Variants in NFATC1 observed in about 807,000 individuals in gnomAD.
NFATC1 encodes the protein nuclear factor of activated T-cells, cytoplasmic 1.
A neutral mutation model predicts 76.0 loss-of-function variants in NFATC1; 22 were observed. That is an observed-to-expected ratio of 0.29 (90% CI 0.21 to 0.41). NFATC1 has a LOEUF of 0.41. Among genes scored for constraint, NFATC1 ranks in the 10% least tolerant of loss-of-function variants. NFATC1 has a pLI of 1.00. For missense variants in NFATC1, 1,357 were observed against 1,337.7 expected, an observed-to-expected ratio of 1.01 and a Z score of -0.23; for synonymous variants, 704 against 613.1, an observed-to-expected ratio of 1.15 and a Z score of -2.19.
chr18:79,494,325 A>G (rs111783089), intron 9 of NFATC1, among the ~76,000 whole-genome samples: 1,155 of 25,696 alleles, frequency 0.045, 3 homozygotes, highest in Non-Finnish European at 0.071. Flanking sequence ...TGAACCTGGT[A>G]CGGCCGGGGG....
chr18:79,458,307 G>A (rs897340094), intron 6 of NFATC1, among the ~76,000 whole-genome samples: 3 of 144,466 alleles, frequency 2.1e-5, no homozygotes, highest in Non-Finnish European at 4.4e-5. Context: ...AGGACGCCGC[G>A]GGGAGCAGGG....
intron 3 of NFATC1, among the ~76,000 whole-genome samples, chr18:79,444,266 G>A (rs1470881278): frequency 6.6e-6 from 1 of 152,176 alleles, no homozygotes; most frequent in Admixed American, 6.5e-5. Context: ...GTGCGTGTGT[G>A]TGTGCCCACG....
At position 79,411,051 on chromosome 18, in the gene NFATC1, C is replaced by A; in HGVS notation, c.776C>A (p.Pro259His). The change falls in exon 2 of 10, where the codon CCC (proline) becomes CAC (histidine). Residue 259 changes from proline (P) to histidine (H), a missense_variant. Physicochemically the swap from Pro to His is moderately conservative, Grantham distance 77 (BLOSUM62 -2). Around this residue, in one of 3 missense-constraint regions of NFATC1, gnomAD observed 691 missense variants for 613.1 expected, o/e 1.13. Transcript: ENST00000427363. The part of the protein sequence containing the change: ...ESWLGARSSR[P>H]ASPCNKRKYS... ...TGGCTGGGTGCCCGCTCCTCCAGAC[C>A]CGCGTCCCCTTGCAACAAGAGGAAG... The A allele has an allele frequency of 2.5e-6, 4 of 1,612,008 alleles. No individual in the cohort carries two copies. In the South Asian group the frequency reaches 4.4e-5, roughly 18 times the overall value.
At chr18:79,423,794 C>T (rs1260557526) in intron 2 of NFATC1, among the ~76,000 whole-genome samples, 2 of 152,212 alleles carry the variant, frequency 1.3e-5, no homozygotes, top group African/African-American at 4.8e-5. Flanking sequence ...GTGCCCTCCT[C>T]TGGGCCGCCT....
At chr18:79,453,661 G>T (rs1325487848) in intron 6 of NFATC1, among the ~76,000 whole-genome samples, 1 of 152,222 alleles carries the variant, frequency 6.6e-6, no homozygotes. Context: ...CTGACCCTCT[G>T]CCAGCACCAG....
At chr18:79,427,750 G>C (rs1600682356) in intron 2 of NFATC1, among the ~76,000 whole-genome samples, 2 of 106,016 alleles carry the variant, frequency 1.9e-5, no homozygotes, top group African/African-American at 3.7e-5. Flanking sequence ...TGCAGTGGGT[G>C]GGGGGGTGCT....
intron 2 of NFATC1, chr18:79,421,285 C>T (rs2086082800): frequency 6.6e-6 from 1 of 152,350 alleles, no homozygotes; most frequent in African/African-American, 2.4e-5. Flanking sequence ...TCCCAGAACT[C>T]GAGGGTTCCC....
At chr18:79,490,716 T>C (rs1484206876) in intron 9 of NFATC1, among the ~76,000 whole-genome samples, 2 of 151,954 alleles carry the variant, frequency 1.3e-5, no homozygotes, top group African/African-American at 4.8e-5. Context: ...CGTAGATGGG[T>C]CGCTGCCTGT....
intron 3 of NFATC1, among the ~76,000 whole-genome samples, chr18:79,443,829 G>A (rs1204485276): frequency 6.6e-6 from 1 of 152,234 alleles, no homozygotes; most frequent in Non-Finnish European, 1.5e-5. Context: ...GCCCCGAGGT[G>A]CTGGTCCGCC....
chr18:79,516,258 C>T (rs569005267), intron 9 of NFATC1, among the ~76,000 whole-genome samples: 33 of 152,318 alleles, frequency 2.2e-4, no homozygotes, highest in Non-Finnish European at 3.2e-4. Flanking sequence ...GCCGTCCCTC[C>T]GTTGTCCCGT....
intron 3 of NFATC1, among the ~76,000 whole-genome samples, chr18:79,446,628 G>C (rs2087217347): frequency 6.6e-6 from 1 of 152,130 alleles, no homozygotes; most frequent in Admixed American, 6.5e-5. Context: ...GAGGAGCTGA[G>C]GGCTGGACAG....
intron 1 of NFATC1, chr18:79,400,571 G>A: frequency 8.7e-7 from 1 of 1,145,396 alleles, no homozygotes; most frequent in Non-Finnish European, 1.1e-6. Flanking sequence ...GCTCCCCGGG[G>A]ACCCCAGGAG....
intron 2 of NFATC1, chr18:79,421,290 G>C (rs1292056825): frequency 6.6e-6 from 1 of 152,362 alleles, no homozygotes; most frequent in African/African-American, 2.4e-5. Context: ...GAACTCGAGG[G>C]TTCCCTGACA....
chr18:79,493,574 C>A (rs530580267), intron 9 of NFATC1: 1 of 152,248 alleles, frequency 6.6e-6, no homozygotes, highest in Non-Finnish European at 1.5e-5. Context: ...GGAGCGTGTC[C>A]GCCGCAGTCT....
At chr18:79,458,450 A>G (rs925928392) in intron 6 of NFATC1, among the ~76,000 whole-genome samples, 1 of 152,136 alleles carries the variant, frequency 6.6e-6, no homozygotes, top group South Asian at 2.1e-4. Context: ...GTGGCTCAGC[A>G]TCAGCACCGG....
intron 4 of NFATC1, among the ~76,000 whole-genome samples, chr18:79,449,480 TACTC>T (rs1406940709): frequency 2.0e-5 from 3 of 152,216 alleles, no homozygotes; most frequent in Non-Finnish European, 2.9e-5. Context: ...AATAAGGCCT[TACTC>T]ACTTAATCCT....
intron 1 of NFATC1, among the ~76,000 whole-genome samples, chr18:79,398,495 T>C (rs1178117063): frequency 6.6e-6 from 1 of 152,200 alleles, no homozygotes; most frequent in Admixed American, 6.5e-5. Flanking sequence ...TCTGGACCAA[T>C]AGCTCTGAAC....
At chr18:79,499,585 C>T (rs1248818195) in intron 9 of NFATC1, among the ~76,000 whole-genome samples, 1 of 152,146 alleles carries the variant, frequency 6.6e-6, no homozygotes, top group Non-Finnish European at 1.5e-5. Flanking sequence ...TGTTGTCAGA[C>T]TGGATGTTAA....
intron 9 of NFATC1, among the ~76,000 whole-genome samples, chr18:79,510,016 A>T (rs1311422146): frequency 6.6e-6 from 1 of 152,230 alleles, no homozygotes; most frequent in Non-Finnish European, 1.5e-5. Flanking sequence ...ATCTCGAAAG[A>T]GCCTGTGTCT....
Sources: gnomAD v4.1 joint callset for allele counts (sites outside exome capture counted in the v4.1 genomes callset) on GRCh38, gnomAD v4.1.1 for gene constraint, gnomAD v4.1.1 regional missense constraint, MANE v1.5 for transcripts, NCBI Gene and HGNC (gene_info 2026-07-23, HGNC 2026-07-21) for gene names.